Variants in PTPRD observed in about 807,000 individuals in gnomAD.
PTPRD encodes the protein receptor-type tyrosine-protein phosphatase delta.
PTPRD carries 34 observed loss-of-function variants against 214.5 expected under a neutral mutation model. The observed-to-expected ratio is 0.16, with a 90% confidence interval of 0.12 to 0.21. The LOEUF (loss-of-function observed/expected upper bound fraction) is 0.21. Among genes scored for constraint, PTPRD ranks in the 10% least tolerant of loss-of-function variants. The pLI, the probability that PTPRD is intolerant of heterozygous loss-of-function variation, is 1.00. For missense variants in PTPRD, 2,545 were observed against 2,398.7 expected, an observed-to-expected ratio of 1.06 and a Z score of -1.27; for synonymous variants, 1,128 against 845.7, an observed-to-expected ratio of 1.33 and a Z score of -5.79.
At chr9:9,135,519 T>A (rs2099849502) in intron 10 of PTPRD, among the ~76,000 whole-genome samples, 1 of 150,732 alleles carries the variant, frequency 6.6e-6, no homozygotes, top group African/African-American at 2.5e-5. Flanking sequence ...CAAGAGTTAG[T>A]GCTGGAGAGA....
rs192671691 is a variant in PTPRD, at chr9:10,034,791, A to C, written c.-544-1001T>G. Among the ~76,000 whole-genome samples the C allele has an allele frequency of 5.3e-4, 80 of 152,222 alleles. 1 individual carries two copies. The highest frequency in any genetic ancestry group is 1.8e-3 in the African/African-American group (74 of 41,564). On this transcript the variant is annotated intron_variant, in intron 3 of 45. Coordinates refer to ENST00000381196, the MANE Select transcript of PTPRD (RefSeq NM_002839.4). ...TTTTATGGCTGCATAGTATTCCATG[A>C]TATATATGTAACACATTTTCTTTAT...
At chr9:9,279,153 A>G (rs911284175) in intron 9 of PTPRD, among the ~76,000 whole-genome samples, 1 of 150,886 alleles carries the variant, frequency 6.6e-6, no homozygotes, top group African/African-American at 2.4e-5. Flanking sequence ...ATTTTCAAAT[A>G]ATAGGCAGGT....
At chr9:8,548,381 T>G (rs1406619585) in intron 14 of PTPRD, among the ~76,000 whole-genome samples, 1 of 152,056 alleles carries the variant, frequency 6.6e-6, no homozygotes, top group African/African-American at 2.4e-5. Context: ...TTTTGTTTTT[T>G]TTTTGAGAGA....
chr9:8,690,982 G>T (rs981498666), intron 12 of PTPRD, among the ~76,000 whole-genome samples: 28 of 152,104 alleles, frequency 1.8e-4, no homozygotes, highest in African/African-American at 5.3e-4. Context: ...GGAGGTATTA[G>T]TAAATTTCAC....
In PTPRD at chr9:8,932,510, G is replaced by A. The variant is rs1018234504; in HGVS notation, c.-104+86187C>T. On this transcript the variant is annotated intron_variant, in intron 11 of 45. Coordinates refer to ENST00000381196, the MANE Select transcript of PTPRD (RefSeq NM_002839.4). The stretch of plus-strand genomic sequence containing the variant: ...CCAGGTGCTCTGTCGCAGGGAGATG[G>A]GAGTTTGATCCATAAGTCCCTGACT... Among the ~76,000 whole-genome samples, 10 of 152,292 alleles carry A rather than the reference G, an allele frequency of 6.6e-5. No individual in the cohort carries two copies. In the East Asian group the frequency reaches 9.7e-4, roughly 15 times the overall value.
At chr9:10,391,337 T>C (rs1451417330) in intron 2 of PTPRD, among the ~76,000 whole-genome samples, 1 of 151,768 alleles carries the variant, frequency 6.6e-6, no homozygotes, top group East Asian at 1.9e-4. Context: ...GTTTTCTTTT[T>C]GTCTTGATCC....
intron 2 of PTPRD, among the ~76,000 whole-genome samples, chr9:10,448,014 G>A (rs1229714802): frequency 6.6e-6 from 1 of 151,938 alleles, no homozygotes; most frequent in East Asian, 1.9e-4. Flanking sequence ...GTGTTTGTGT[G>A]TATAATGTGT....
intron 5 of PTPRD, among the ~76,000 whole-genome samples, chr9:9,936,519 A>T (rs1206939585): frequency 2.7e-5 from 4 of 147,774 alleles, no homozygotes; most frequent in Non-Finnish European, 5.9e-5. Context: ...TCAAAACCAC[A>T]ATGAGATACA....
At chr9:8,565,752 C>G (rs1037186061) in intron 14 of PTPRD, among the ~76,000 whole-genome samples, 32 of 152,138 alleles carry the variant, frequency 2.1e-4, no homozygotes, top group African/African-American at 7.7e-4. Flanking sequence ...ACCTTTCTGG[C>G]TAATTGTTCT....
chr9:10,219,912 TAGCAAAAG>T (rs2099559356), intron 3 of PTPRD, among the ~76,000 whole-genome samples: 2 of 151,796 alleles, frequency 1.3e-5, no homozygotes, highest in African/African-American at 4.8e-5. Context: ...AACTTGAATG[TAGCAAAAG>T]AGCTACATTG....
intron 14 of PTPRD, among the ~76,000 whole-genome samples, chr9:8,601,697 T>G (rs932057353): frequency 1.2e-4 from 18 of 152,238 alleles, no homozygotes; most frequent in Non-Finnish European, 2.6e-4. Flanking sequence ...GGGATGCTAC[T>G]GATGGCAGTA....
At chr9:10,371,705 T>C (rs1482347550) in intron 2 of PTPRD, among the ~76,000 whole-genome samples, 1 of 152,050 alleles carries the variant, frequency 6.6e-6, no homozygotes, top group Admixed American at 6.6e-5. Flanking sequence ...ATGAAGTAAA[T>C]GTGCACATTT....
intron 9 of PTPRD, among the ~76,000 whole-genome samples, chr9:9,370,711 C>T (rs1186732536): frequency 6.6e-6 from 1 of 152,010 alleles, no homozygotes; most frequent in East Asian, 1.9e-4. Flanking sequence ...GGAATGCTTC[C>T]AGTTTTTGTC....
chr9:8,539,548 A>G (rs1054763478), intron 14 of PTPRD, among the ~76,000 whole-genome samples: 3 of 152,002 alleles, frequency 2.0e-5, no homozygotes, highest in African/African-American at 7.2e-5. Flanking sequence ...GTAACTTTAC[A>G]TTGGAGAAGG....
At chr9:9,009,644 T>G (rs1180406985) in intron 11 of PTPRD, among the ~76,000 whole-genome samples, 1 of 151,974 alleles carries the variant, frequency 6.6e-6, no homozygotes, top group Non-Finnish European at 1.5e-5. Context: ...TGATGATTTG[T>G]GTTAGAGTTA....
chr9:9,696,107 G>C (rs2154407425), intron 7 of PTPRD, among the ~76,000 whole-genome samples: 1 of 152,118 alleles, frequency 6.6e-6, no homozygotes, highest in Non-Finnish European at 1.5e-5. Context: ...ATTTCTTCAA[G>C]ATTCATCCTT....
Position 9,254,706 on chromosome 9 carries a change from C to G in PTPRD, c.-202-71343G>C, listed in dbSNP as rs2099976963. Among the ~76,000 whole-genome samples the G allele has an allele frequency of 2.0e-5, 3 of 152,154 alleles. No individual in the cohort carries two copies. The South Asian group carries it at 6.2e-4, about 32-fold the overall frequency. On this transcript the variant is annotated intron_variant, in intron 9 of 45. Transcript: ENST00000381196. ...TTAGGAGAAATATCAGCAGATGTTT[C>G]TTGTTGAAGAAATCTCAGCATACAA...
intron 2 of PTPRD, among the ~76,000 whole-genome samples, chr9:10,609,418 T>C (rs967840924): frequency 6.6e-6 from 1 of 152,100 alleles, no homozygotes; most frequent in Non-Finnish European, 1.5e-5. Context: ...TTTAGAATTG[T>C]AAAGTTACAT....
At chr9:8,826,327 A>G (rs60056690) in intron 11 of PTPRD, among the ~76,000 whole-genome samples, 14,260 of 151,992 alleles carry the variant, frequency 0.094, 714 homozygotes, top group Non-Finnish European at 0.098. Context: ...CCATTGTTTC[A>G]CCCCTCAGCC....
Sources: allele counts gnomAD v4.1 joint callset (sites outside exome capture counted in the v4.1 genomes callset), GRCh38; gene constraint gnomAD v4.1.1; transcripts MANE v1.5; gene names NCBI Gene and HGNC (gene_info 2026-07-23, HGNC 2026-07-21).